The following CALN1 variants were observed in gnomAD, a reference collection of about 807,000 sequenced individuals.
The protein encoded by CALN1 is calneuron 1, also known as calcium-binding protein 8.
CALN1 carries 17 observed loss-of-function variants against 30.6 expected under a neutral mutation model. That is an observed-to-expected ratio of 0.56 (90% CI 0.38 to 0.83). The LOEUF is 0.83. CALN1 is among the 40% of genes least tolerant of loss of function. The pLI is 0.00. For synonymous variants in CALN1, 156 were observed against 131.4 expected (o/e 1.19, Z -1.28); for missense variants, 291 against 354.9 (o/e 0.82, Z 1.45).
At chr7:71,936,120 A>T (rs991190832) in intron 5 of CALN1, among the ~76,000 whole-genome samples, 2 of 152,178 alleles carry the variant, frequency 1.3e-5, no homozygotes, top group South Asian at 4.1e-4. Context: ...GTTAGAAAAA[A>T]GTTTCCAGAA....
At chr7:72,354,859 A>T (rs1026314862) in intron 2 of CALN1, among the ~76,000 whole-genome samples, 4 of 150,616 alleles carry the variant, frequency 2.7e-5, no homozygotes, top group South Asian at 2.1e-4. Flanking sequence ...CCAGGAGAAA[A>T]TTTTTGAGAA....
intron 5 of CALN1, among the ~76,000 whole-genome samples, chr7:71,974,507 G>T (rs1031662427): frequency 3.6e-5 from 5 of 140,260 alleles, no homozygotes; most frequent in African/African-American, 1.3e-4. Context: ...TTTTAGAAAA[G>T]AATACACAGG....
intron 2 of CALN1, among the ~76,000 whole-genome samples, chr7:72,387,642 G>A (rs1025310253): frequency 2.0e-5 from 3 of 152,132 alleles, no homozygotes; most frequent in African/African-American, 4.8e-5. Context: ...ACCGTCAGAT[G>A]AATCCCACTT....
At chr7:72,065,762 G>A (rs929198079) in intron 4 of CALN1, among the ~76,000 whole-genome samples, 4 of 152,140 alleles carry the variant, frequency 2.6e-5, no homozygotes, top group Middle Eastern at 3.4e-3. Flanking sequence ...GCGTGGAGGC[G>A]GGTGCCTGTA....
At chr7:72,402,429 G>A (rs746239953) in intron 2 of CALN1, among the ~76,000 whole-genome samples, 43 of 152,250 alleles carry the variant, frequency 2.8e-4, no homozygotes, top group Admixed American at 4.6e-4. Flanking sequence ...AGTCGCCACT[G>A]GAAGCTGGTG....
At chr7:72,442,983 T>C (rs1808403818) in intron 1 of CALN1, among the ~76,000 whole-genome samples, 1 of 149,420 alleles carries the variant, frequency 6.7e-6, no homozygotes, top group African/African-American at 2.6e-5. Context: ...GGATTGCACT[T>C]TATTAAGGGT....
intron 5 of CALN1, among the ~76,000 whole-genome samples, chr7:71,873,790 G>C (rs1047055856): frequency 3.9e-5 from 6 of 152,190 alleles, no homozygotes; most frequent in African/African-American, 1.2e-4. Context: ...ACACTACCTT[G>C]AGCTTTTATT....
At position 72,119,517 on chromosome 7, in the gene CALN1, GAA is replaced by G. The variant is rs34760301; in HGVS notation, c.245-13225_245-13224del. Among the ~76,000 whole-genome samples, 3 of 144,308 alleles carry G rather than the reference GAA, an allele frequency of 2.1e-5. 1 individual carries two copies. The South Asian group carries it at 6.5e-4, about 31-fold the overall frequency. 94.7% of individuals were successfully genotyped at this position (144,308 alleles called of 152,430 possible). On this transcript the variant is annotated intron_variant, in intron 3 of 6. Transcript: ENST00000395275. ...ACTTGCATTATATGGTAAAAGAAAG[GAA>G]AAAAAAAAACCAGAGCTAACCCTAC... is the stretch of plus-strand genomic sequence containing the variant.
chr7:72,099,284 T>C (rs1216162230), intron 4 of CALN1, among the ~76,000 whole-genome samples: 1 of 151,330 alleles, frequency 6.6e-6, no homozygotes, highest in East Asian at 1.9e-4. Context: ...TTTTTTTTTT[T>C]TTTTTTTTTG....
At chr7:72,131,087 T>G (rs1809111701) in intron 3 of CALN1, among the ~76,000 whole-genome samples, 2 of 152,066 alleles carry the variant, frequency 1.3e-5, no homozygotes, top group Admixed American at 1.3e-4. Flanking sequence ...TGATGCTGAG[T>G]GAGATCTGTT....
intron 5 of CALN1, among the ~76,000 whole-genome samples, chr7:71,867,188 G>A (rs972039815): frequency 3.3e-5 from 5 of 151,610 alleles, no homozygotes; most frequent in Non-Finnish European, 7.4e-5. Context: ...TACTCAAATT[G>A]ATAGAGTATG....
intron 5 of CALN1, among the ~76,000 whole-genome samples, chr7:72,009,180 T>C (rs1799937692): frequency 6.6e-6 from 1 of 152,278 alleles, no homozygotes; most frequent in African/African-American, 2.4e-5. Flanking sequence ...TTCCATACTG[T>C]ACAGAATTTA....
chr7:72,490,824 T>C, the CALN1 span, among the ~76,000 whole-genome samples: 1 of 152,128 alleles, frequency 6.6e-6, no homozygotes, highest in Non-Finnish European at 1.5e-5. Context: ...GAACTATGAG[T>C]CAATTAAAGC....
intron 5 of CALN1, among the ~76,000 whole-genome samples, chr7:71,883,799 G>A (rs747903013): frequency 2.0e-5 from 3 of 152,076 alleles, no homozygotes; most frequent in Non-Finnish European, 2.9e-5. Flanking sequence ...GGTCTTGAGG[G>A]TATTGGCATG....
chr7:71,827,562 G>A (rs564045775), intron 5 of CALN1, among the ~76,000 whole-genome samples: 1 of 152,082 alleles, frequency 6.6e-6, no homozygotes, highest in South Asian at 2.1e-4. Flanking sequence ...CTGGAGGTCG[G>A]GAGTTCGAGA....
Position 72,176,223 on chromosome 7 carries a change from CTCTT to C in CALN1, c.245-69933_245-69930del, listed in dbSNP as rs371388095. Among the ~76,000 whole-genome samples the C allele has an allele frequency of 2.3e-4, 35 of 152,058 alleles. No individual in the cohort carries two copies. In the South Asian group the frequency reaches 6.4e-3, roughly 28 times the overall value. On this transcript the variant is annotated intron_variant, in intron 3 of 6. Transcript: ENST00000395275. Reference sequence around the variant, plus strand: ...TTAAGCTACTTTTCGTGTTTCCTTCCTCTTTCTTTAATTCTTACAGGCAGACCAG... The same window carrying C: ...TTAAGCTACTTTTCGTGTTTCCTTCCTCTTTAATTCTTACAGGCAGACCAG...
chr7:72,362,088 G>A (rs1008711785), intron 2 of CALN1, among the ~76,000 whole-genome samples: 1 of 151,988 alleles, frequency 6.6e-6, no homozygotes, highest in Non-Finnish European at 1.5e-5. Context: ...TTCTTCCTTG[G>A]ACAGGTTTCT....
chr7:72,300,468 TAAGCA>T (rs982370872), intron 2 of CALN1, among the ~76,000 whole-genome samples: 52 of 151,820 alleles, frequency 3.4e-4, no homozygotes, highest in African/African-American at 1.2e-3. Context: ...CAGAAATCAA[TAAGCA>T]AAGTGCATTC....
intron 3 of CALN1, among the ~76,000 whole-genome samples, chr7:72,247,000 C>T (rs954218101): frequency 9.9e-5 from 15 of 151,916 alleles, no homozygotes; most frequent in African/African-American, 2.4e-5. Context: ...GTGATCTGCC[C>T]GCCTCGGCCT....
Sources: allele counts gnomAD v4.1 joint callset (sites outside exome capture counted in the v4.1 genomes callset), GRCh38; gene constraint gnomAD v4.1.1; transcripts MANE v1.5; gene names NCBI Gene and HGNC (gene_info 2026-07-23, HGNC 2026-07-21).